Variants in GNAO1 observed in about 807,000 individuals in gnomAD.
The protein encoded by GNAO1 is G protein subunit alpha o1.
For missense variants in GNAO1, 166 were observed against 478.7 expected (o/e 0.35, Z 6.10); for synonymous variants, 164 against 180.7 (o/e 0.91, Z 0.74).
intron 2 of GNAO1, among the ~76,000 whole-genome samples, chr16:56,222,008 CTT>C (rs1477379491): frequency 1.3e-5 from 2 of 152,116 alleles, no homozygotes; most frequent in Non-Finnish European, 2.9e-5. Flanking sequence ...TTGAGGGAAA[CTT>C]AGGAAAAGAG....
intron 2 of GNAO1, among the ~76,000 whole-genome samples, chr16:56,251,471 A>C (rs1357483152): frequency 2.1e-3 from 317 of 152,386 alleles, no homozygotes; most frequent in African/African-American, 7.4e-3. Context: ...GCTCAAGGGC[A>C]TGTTTTAATA....
intron 2 of GNAO1, among the ~76,000 whole-genome samples, chr16:56,246,049 G>T (rs2036741379): frequency 6.6e-6 from 1 of 152,166 alleles, no homozygotes; most frequent in Admixed American, 6.5e-5. Context: ...GGGTGAATCA[G>T]AGACAGAAGT....
At chr16:56,195,774 C>G (rs2036226886) in intron 2 of GNAO1, among the ~76,000 whole-genome samples, 2 of 152,210 alleles carry the variant, frequency 1.3e-5, no homozygotes, top group Non-Finnish European at 2.9e-5. Context: ...GATATTCAGA[C>G]ATCACTGAAT....
chr16:56,336,964 G>T, intron 6 of GNAO1, 104 bp downstream of exon 6: 1 of 1,112,868 alleles, frequency 9.0e-7, no homozygotes, highest in South Asian at 1.5e-5. Context: ...AATGGCTCTG[G>T]GGTCCAGCCA....
At chr16:56,347,304 T>C in intron 6 of GNAO1, 1 of 985,450 alleles carries the variant, frequency 1.0e-6, no homozygotes, top group African/African-American at 1.7e-5. Flanking sequence ...AGAGATTCAG[T>C]GTGCAGTGCC....
chr16:56,231,429 G>C (rs564992376), intron 2 of GNAO1, among the ~76,000 whole-genome samples: 1 of 152,242 alleles, frequency 6.6e-6, no homozygotes, highest in East Asian at 1.9e-4. Flanking sequence ...CACCTTTCCT[G>C]TATTTGTGTG....
In GNAO1 at chr16:56,282,614, G is replaced by A. The variant is rs1023455658; in HGVS notation, c.303+6542G>A. 2.6e-5 allele frequency among the ~76,000 whole-genome samples: 4 copies of A among 152,362 alleles called. No individual in the cohort carries two copies. In the East Asian group the frequency reaches 7.7e-4, roughly 29 times the overall value. On this transcript the variant is annotated intron_variant, in intron 3 of 8. Coordinates refer to ENST00000262493, the MANE Select transcript of GNAO1 (RefSeq NM_020988.3). ...ACTGCGTTTATCTGCAGGAGGCTGA[G>A]CAAGGAGAGTCAGGCAGCTCATGCT...
intron 3 of GNAO1, among the ~76,000 whole-genome samples, chr16:56,290,345 T>C (rs1042180625): frequency 3.9e-5 from 6 of 152,200 alleles, no homozygotes; most frequent in African/African-American, 1.2e-4. Flanking sequence ...ATGACTTCAG[T>C]TGGAGTCAGT....
At chr16:56,340,705 C>T in intron 6 of GNAO1, 1 of 787,150 alleles carries the variant, frequency 1.3e-6, no homozygotes, top group Non-Finnish European at 2.1e-6. Flanking sequence ...TCCTGGTGGT[C>T]TCCGTCCCGG....
At chr16:56,251,230 A>G (rs1470893299) in intron 2 of GNAO1, among the ~76,000 whole-genome samples, 1 of 152,236 alleles carries the variant, frequency 6.6e-6, no homozygotes, top group Non-Finnish European at 1.5e-5. Flanking sequence ...GTCCAGGACC[A>G]TCTCGATCGA....
intron 6 of GNAO1, among the ~76,000 whole-genome samples, chr16:56,349,536 C>T (rs548288427): frequency 3.9e-5 from 6 of 152,326 alleles, no homozygotes; most frequent in Non-Finnish European, 5.9e-5. Flanking sequence ...GCAAGCGAGA[C>T]CTGCTCCTCC....
chr16:56,269,482 A>T (rs1338535457), intron 2 of GNAO1, among the ~76,000 whole-genome samples: 2 of 152,220 alleles, frequency 1.3e-5, no homozygotes, highest in African/African-American at 4.8e-5. Context: ...TTGACTGCCG[A>T]CTGTGCTGGG....
chr16:56,268,704 A>T (rs1431281077), intron 2 of GNAO1, among the ~76,000 whole-genome samples: 1 of 151,374 alleles, frequency 6.6e-6, no homozygotes, highest in East Asian at 1.9e-4. Flanking sequence ...TCACATAATA[A>T]CTCCCTCTCC....
Position 56,311,175 on chromosome 16 carries a change from G to A in GNAO1, c.304-17456G>A, listed in dbSNP as rs1235546803. Among the ~76,000 whole-genome samples the A allele has an allele frequency of 6.6e-6, 1 of 151,052 alleles. No individual in the cohort carries two copies. Among genetic ancestry groups the A allele is most frequent in the Non-Finnish European group, 1.5e-5 (1 of 67,754 alleles). On this transcript the variant is annotated intron_variant, in intron 3 of 8. Transcript: ENST00000262493. This position sits in a 1 kb window ranked among gnomAD's most constrained non-coding sequence, Gnocchi z 5.2. ...ACCCTGGCCAGGGTGTGGGGCTTGG[G>A]GGTGGAGATGGGGGAGAGAGGCATG...
At chr16:56,343,851 C>T (rs1225155824) in intron 6 of GNAO1, 19 of 1,613,716 alleles carry the variant, frequency 1.2e-5, no homozygotes, top group East Asian at 2.2e-5. Context: ...TCTACACCCA[C>T]GTCACCTGCG....
At chr16:56,278,407 C>T (rs1281216432) in intron 3 of GNAO1, among the ~76,000 whole-genome samples, 2 of 152,200 alleles carry the variant, frequency 1.3e-5, no homozygotes, top group Non-Finnish European at 2.9e-5. Context: ...GGAGTGAACC[C>T]GAGACCCAGG....
At chr16:56,307,932 G>A (rs1172712112) in intron 3 of GNAO1, 1 of 152,240 alleles carries the variant, frequency 6.6e-6, no homozygotes, top group Non-Finnish European at 1.5e-5. Flanking sequence ...GTTCCACTGT[G>A]GCGCCATTGA....
intron 6 of GNAO1, among the ~76,000 whole-genome samples, chr16:56,343,040 G>A (rs1349027456): frequency 1.3e-5 from 2 of 151,674 alleles, no homozygotes; most frequent in South Asian, 2.1e-4. Context: ...GGAGGTTGCG[G>A]TGAGCTGAGA....
chr16:56,320,536 C>T (rs978126888), intron 3 of GNAO1, among the ~76,000 whole-genome samples: 28 of 152,294 alleles, frequency 1.8e-4, no homozygotes, highest in African/African-American at 6.3e-4. Context: ...GTCTGAAGCC[C>T]GCAGAAAGCT....
Sources: allele counts gnomAD v4.1 joint callset (sites outside exome capture counted in the v4.1 genomes callset), GRCh38; gene constraint gnomAD v4.1.1; non-coding constraint Gnocchi (gnomAD v3.1); transcripts MANE v1.5; gene names NCBI Gene and HGNC (gene_info 2026-07-23, HGNC 2026-07-21).